The following DCAF6 variants were observed in gnomAD, a reference collection of about 807,000 sequenced individuals.
DCAF6 encodes the protein DDB1- and CUL4-associated factor 6.
In DCAF6, 54 loss-of-function variants were observed where a neutral mutation model predicts 125.1. The ratio of observed to expected loss-of-function variants is 0.43; its 90% CI spans 0.35 to 0.54. DCAF6 has a LOEUF of 0.54. DCAF6 is among the 20% of genes least tolerant of loss of function. The probability of loss-of-function intolerance (pLI) is 0.01; values close to 1 mark genes in which losing one functional copy is unlikely to be tolerated. For missense variants in DCAF6, 934 were observed against 1,161.7 expected, an observed-to-expected ratio of 0.80 and a Z score of 2.85; for synonymous variants, 371 against 390.4, an observed-to-expected ratio of 0.95 and a Z score of 0.58.
chr1:167,902,219 T>C, the DCAF6 span, among the ~76,000 whole-genome samples: 1 of 152,130 alleles, frequency 6.6e-6, no homozygotes, highest in South Asian at 2.1e-4. Flanking sequence ...CCCATTTGAG[T>C]CTGTTTCCTC....
chr1:168,069,062 C>G (rs983862881), intron 21 of DCAF6, among the ~76,000 whole-genome samples: 1 of 152,114 alleles, frequency 6.6e-6, no homozygotes, highest in Non-Finnish European at 1.5e-5. Flanking sequence ...TATTAGCTAT[C>G]ATTTAATAAT....
At chr1:167,882,504 A>G in the DCAF6 span, among the ~76,000 whole-genome samples, 1 of 149,480 alleles carries the variant, frequency 6.7e-6, no homozygotes, top group African/African-American at 2.5e-5. Flanking sequence ...AAAAAAAAAA[A>G]GAACAGAGCG....
At chr1:168,049,431 G>GTTTTTTTTT (rs11369573) in intron 16 of DCAF6, among the ~76,000 whole-genome samples, 3 of 101,228 alleles carry the variant, frequency 3.0e-5, no homozygotes, top group Non-Finnish European at 5.6e-5. Context: ...TGTTGTTGTT[G>GTTTTTTTTT]TTTTTTTTTT....
the DCAF6 span, among the ~76,000 whole-genome samples, chr1:167,879,435 T>A: frequency 1.3e-5 from 2 of 152,146 alleles, no homozygotes; most frequent in Non-Finnish European, 2.9e-5. Flanking sequence ...TGAAAACTAT[T>A]TATTGTGGAG....
intron 13 of DCAF6, 77 bp downstream of exon 13, chr1:168,038,565 C>A: frequency 1.9e-6 from 2 of 1,037,014 alleles, no homozygotes; most frequent in South Asian, 1.5e-5. Context: ...AACACTTCGT[C>A]ATCTTTATGT....
At chr1:167,972,376 A>T (rs182281317) in intron 3 of DCAF6, among the ~76,000 whole-genome samples, 1 of 152,262 alleles carries the variant, frequency 6.6e-6, no homozygotes, top group Admixed American at 6.5e-5. Context: ...AGAGAGTGGT[A>T]CAAAATGAAG....
chr1:168,002,329 G>A lies in DCAF6; in HGVS notation c.904-153G>A, dbSNP rs553720807. On this transcript the variant is annotated intron_variant, in intron 7 of 21. Transcript: ENST00000367840. Reference sequence around the variant, plus strand: ...AGAATGAATGCTTTAAAAGACTGACGCTTATACCAGTGTCTTTCATATTTT... The same window carrying A: ...AGAATGAATGCTTTAAAAGACTGACACTTATACCAGTGTCTTTCATATTTT... Among the ~76,000 whole-genome samples the A allele has an allele frequency of 6.6e-5, 10 of 152,206 alleles. No homozygotes were observed. In the South Asian group the frequency reaches 1.9e-3, roughly 28 times the overall value.
At chr1:167,868,093 T>C in the DCAF6 span, among the ~76,000 whole-genome samples, 1 of 152,198 alleles carries the variant, frequency 6.6e-6, no homozygotes, top group African/African-American at 2.4e-5. Context: ...GTAAACTCTC[T>C]CCGGAACCAG....
chr1:167,926,970 C>A, the DCAF6 span, among the ~76,000 whole-genome samples: 1 of 152,202 alleles, frequency 6.6e-6, no homozygotes, highest in Non-Finnish European at 1.5e-5. Context: ...CCTGTATATT[C>A]TTCTATCATT....
intron 17 of DCAF6, among the ~76,000 whole-genome samples, chr1:168,054,801 A>G (rs948981549): frequency 1.3e-5 from 2 of 151,034 alleles, no homozygotes; most frequent in Non-Finnish European, 2.9e-5. Flanking sequence ...GTATAAATTA[A>G]AAGAACATAC....
chr1:167,920,430 T>A, the DCAF6 span: 1 of 1,046,046 alleles, frequency 9.6e-7, no homozygotes, highest in Non-Finnish European at 1.4e-6. Context: ...ATAATACTGT[T>A]AATTCCTTTG....
At chr1:168,035,138 A>G (rs939991563) in intron 12 of DCAF6, among the ~76,000 whole-genome samples, 1 of 152,168 alleles carries the variant, frequency 6.6e-6, no homozygotes, top group Non-Finnish European at 1.5e-5. Flanking sequence ...ACCTTGGAAT[A>G]TATACTGTCA....
intron 12 of DCAF6, among the ~76,000 whole-genome samples, chr1:168,030,293 G>GT (rs1182034790): frequency 7.2e-5 from 11 of 152,220 alleles, no homozygotes; most frequent in Non-Finnish European, 1.3e-4. Flanking sequence ...AATAAGTTAG[G>GT]TGAAGGAGCA....
intron 17 of DCAF6, among the ~76,000 whole-genome samples, chr1:168,060,838 G>A (rs939417191): frequency 7.2e-5 from 11 of 152,160 alleles, no homozygotes; most frequent in African/African-American, 2.7e-4. Context: ...GCAGTGAGCT[G>A]AGACCCCGCC....
chr1:167,974,938 T>G lies in DCAF6; in HGVS notation c.361T>G (p.Phe121Val). ...ATCCTGCTCTGGAGATGGAGTAATA[T>G]TTTATACCAACGTTGAGCAAGATGC... The part of the protein sequence containing the change: ...IVSCSGDGVI[F>V]YTNVEQDAET... The change falls in exon 4 of 22, where the codon TTT (phenylalanine) becomes GTT (valine). Residue 121 changes from phenylalanine (F) to valine (V), a missense_variant. Phe to Val is a conservative substitution (Grantham distance 50). Coordinates refer to ENST00000367840, the MANE Select transcript of DCAF6 (RefSeq NM_001198956.2). 1 of 1,609,814 alleles carries G rather than the reference T, an allele frequency of 6.2e-7. No individual in the cohort carries two copies. The highest frequency in any genetic ancestry group is 8.5e-7 in the Non-Finnish European group (1 of 1,178,012).
chr1:168,065,841 A>G, intron 19 of DCAF6, 95 bp downstream of exon 19: 1 of 1,208,344 alleles, frequency 8.3e-7, no homozygotes, highest in Non-Finnish European at 1.1e-6. Flanking sequence ...TATTATAAGA[A>G]TAATCCAAAC....
At chr1:167,914,891 T>TTGTC in the DCAF6 span, among the ~76,000 whole-genome samples, 1 of 152,232 alleles carries the variant, frequency 6.6e-6, no homozygotes, top group African/African-American at 2.4e-5. Context: ...TAAAACACAG[T>TTGTC]TGTCTTAGGG....
At chr1:168,030,700 C>T (rs1160891915) in intron 12 of DCAF6, among the ~76,000 whole-genome samples, 1 of 152,182 alleles carries the variant, frequency 6.6e-6, no homozygotes, top group African/African-American at 2.4e-5. Context: ...GCAGTAACAA[C>T]TTCAGAATTT....
chr1:168,064,192 A>G (rs1202525256), intron 18 of DCAF6, among the ~76,000 whole-genome samples: 4 of 151,366 alleles, frequency 2.6e-5, no homozygotes, highest in South Asian at 2.1e-4. Context: ...GCCACTTTAT[A>G]CCCATTTTTA....
Sources: gnomAD v4.1 joint callset for allele counts (sites outside exome capture counted in the v4.1 genomes callset) on GRCh38, gnomAD v4.1.1 for gene constraint, MANE v1.5 for transcripts, NCBI Gene and HGNC (gene_info 2026-07-23, HGNC 2026-07-21) for gene names.